SAMMSON: variants seen among roughly 807,000 people sequenced by gnomAD.
SAMMSON encodes the protein long intergenic non-protein coding RNA 1212.
intron 6 of SAMMSON, among the ~76,000 whole-genome samples, chr3:70,270,013 A>G (rs1331868936): frequency 6.6e-6 from 1 of 152,264 alleles, no homozygotes; most frequent in Non-Finnish European, 1.5e-5. Flanking sequence ...CAACTGGACA[A>G]GAGTACAGTG....
chr3:70,419,893 C>T (rs1449079022), intron 2 of SAMMSON, among the ~76,000 whole-genome samples: 1 of 152,220 alleles, frequency 6.6e-6, no homozygotes, highest in African/African-American at 2.4e-5. Flanking sequence ...CTGCCTTGGC[C>T]TCCCAAAGTG....
intron 3 of SAMMSON, among the ~76,000 whole-genome samples, chr3:70,061,476 T>A (rs1873628): frequency 1.3e-5 from 2 of 152,072 alleles, no homozygotes; most frequent in Non-Finnish European, 2.9e-5. Flanking sequence ...CCATCTTTTC[T>A]GCTTGTCTTG....
At chr3:70,230,418 A>G (rs1701547163) in intron 4 of SAMMSON, among the ~76,000 whole-genome samples, 1 of 152,082 alleles carries the variant, frequency 6.6e-6, no homozygotes, top group African/African-American at 2.4e-5. Flanking sequence ...TCAAACGCTT[A>G]TTTTTTGACC....
intron 4 of SAMMSON, among the ~76,000 whole-genome samples, chr3:70,156,718 C>G (rs1415085192): frequency 2.0e-5 from 3 of 151,964 alleles, no homozygotes; most frequent in Non-Finnish European, 4.4e-5. Flanking sequence ...GATGTCTAAA[C>G]TTCTGGAAAA....
At chr3:70,104,976 G>C (rs1360406400) in intron 4 of SAMMSON, among the ~76,000 whole-genome samples, 1 of 152,024 alleles carries the variant, frequency 6.6e-6, no homozygotes, top group Non-Finnish European at 1.5e-5. Context: ...TGTGAATTTG[G>C]GGGGAAAGCA....
Position 70,322,682 on chromosome 3 carries a change from C to G in SAMMSON, n.739+31439C>G, listed in dbSNP as rs534360712. Among the ~76,000 whole-genome samples, 3 of 152,212 alleles carry G rather than the reference C, an allele frequency of 2.0e-5. No individual in the cohort carries two copies. The East Asian group carries it at 5.8e-4, about 29-fold the overall frequency. Reference sequence around the variant, plus strand: ...GGACTTTTGGATCCAAAAAGAAATTCTAACATTTGATCAGCTATTCACAAA... The same window carrying G: ...GGACTTTTGGATCCAAAAAGAAATTGTAACATTTGATCAGCTATTCACAAA... On this transcript the variant is annotated intron_variant and non_coding_transcript_variant, in intron 7 of 9. Transcript: ENST00000642114.
intron 4 of SAMMSON, among the ~76,000 whole-genome samples, chr3:70,199,343 C>T (rs1701212194): frequency 6.6e-6 from 1 of 151,998 alleles, no homozygotes; most frequent in Non-Finnish European, 1.5e-5. Flanking sequence ...CTGGAGGTCT[C>T]CTCTTCTAAT....
At chr3:70,381,900 A>T (rs1703071853) in intron 9 of SAMMSON, among the ~76,000 whole-genome samples, 1 of 152,150 alleles carries the variant, frequency 6.6e-6, no homozygotes, top group Non-Finnish European at 1.5e-5. Flanking sequence ...AATCCACTAT[A>T]AAAGGACTTT....
chr3:70,403,798 T>G (rs1202408608), intron 2 of SAMMSON, among the ~76,000 whole-genome samples: 2 of 152,202 alleles, frequency 1.3e-5, no homozygotes, highest in East Asian at 3.8e-4. Flanking sequence ...TAAAGTTAGA[T>G]GTACACAAAT....
intron 7 of SAMMSON, among the ~76,000 whole-genome samples, chr3:70,299,135 C>G (rs940151169): frequency 2.0e-5 from 3 of 151,994 alleles, no homozygotes; most frequent in African/African-American, 7.2e-5. Context: ...GCCTGAATAT[C>G]CAAACATAGG....
intron 4 of SAMMSON, among the ~76,000 whole-genome samples, chr3:70,224,802 T>C (rs1334071251): frequency 2.0e-5 from 3 of 152,026 alleles, no homozygotes; most frequent in African/African-American, 4.8e-5. Context: ...CAGTTGATAA[T>C]ATCACTGTAA....
At chr3:70,286,667 G>A (rs1702167253) in intron 6 of SAMMSON, among the ~76,000 whole-genome samples, 1 of 152,100 alleles carries the variant, frequency 6.6e-6, no homozygotes, top group African/African-American at 2.4e-5. Flanking sequence ...CCATTTTCAT[G>A]ATATTGATTC....
chr3:70,288,032 G>C (rs1280427938), intron 6 of SAMMSON, among the ~76,000 whole-genome samples: 2 of 151,182 alleles, frequency 1.3e-5, no homozygotes, highest in Admixed American at 1.3e-4. Context: ...TTAATTTTTT[G>C]AAGGGTTTTT....
At position 70,236,750 on chromosome 3, in the gene SAMMSON, C is replaced by T. The variant is rs114368831; in HGVS notation, n.508-12357C>T. ...AGCTGGGACCACTGGTGCATGCCACCATGGCTGGCTAATTAAAACTTTTTT... is the reference window on the plus strand; with the variant it reads ...AGCTGGGACCACTGGTGCATGCCACTATGGCTGGCTAATTAAAACTTTTTT... On this transcript the variant is annotated intron_variant and non_coding_transcript_variant, in intron 4 of 9. Transcript: ENST00000642114. Among the ~76,000 whole-genome samples, 971 of 152,134 alleles carry T rather than the reference C, an allele frequency of 6.4e-3. 6 individuals are homozygous for T. Among genetic ancestry groups the T allele is most frequent in the African/African-American group, 0.022 (924 of 41,498 alleles).
chr3:70,283,973 T>A (rs1214630075), intron 6 of SAMMSON: 1 of 152,074 alleles, frequency 6.6e-6, no homozygotes, highest in Non-Finnish European at 1.5e-5. Flanking sequence ...TCTCTAGTTT[T>A]CCCACCACCC....
intron 7 of SAMMSON, among the ~76,000 whole-genome samples, chr3:70,298,573 T>C (rs1476294346): frequency 2.0e-5 from 3 of 152,158 alleles, no homozygotes; most frequent in African/African-American, 4.8e-5. Flanking sequence ...TGAATCTTCA[T>C]CTAATTTCAT....
intron 7 of SAMMSON, among the ~76,000 whole-genome samples, chr3:70,339,974 A>G (rs1702698251): frequency 6.6e-6 from 1 of 152,134 alleles, no homozygotes; most frequent in African/African-American, 2.4e-5. Flanking sequence ...TTGTGGCACT[A>G]TTCACAATAG....
chr3:70,019,410 C>T (rs538568681), intron 3 of SAMMSON, among the ~76,000 whole-genome samples: 1 of 152,190 alleles, frequency 6.6e-6, no homozygotes, highest in Non-Finnish European at 1.5e-5. Context: ...GCAACCCCTG[C>T]CTTTTTTTGT....
intron 3 of SAMMSON, among the ~76,000 whole-genome samples, chr3:70,045,645 T>C (rs2067123892): frequency 6.6e-6 from 1 of 152,038 alleles, no homozygotes; most frequent in African/African-American, 2.4e-5. Flanking sequence ...CATTTCTCAC[T>C]CCAAAGTGAA....
Sources: allele counts gnomAD v4.1 joint callset (sites outside exome capture counted in the v4.1 genomes callset), GRCh38; gene constraint gnomAD v4.1.1; transcripts MANE v1.5; gene names NCBI Gene and HGNC (gene_info 2026-07-23, HGNC 2026-07-21).